The following GLRB variants were observed in gnomAD, a reference collection of about 807,000 sequenced individuals.
GLRB encodes the protein glycine receptor beta, also known as glycine receptor subunit beta.
GLRB carries 33 observed loss-of-function variants against 54.2 expected under a neutral mutation model. The ratio of observed to expected loss-of-function variants is 0.61; its 90% CI spans 0.46 to 0.81. The LOEUF (loss-of-function observed/expected upper bound fraction) is 0.81. Ranked by LOEUF, GLRB falls within the 40% of genes least tolerant of loss-of-function variation. The pLI is 0.00. For missense variants in GLRB, 572 were observed against 584.6 expected, an observed-to-expected ratio of 0.98 and a Z score of 0.22; for synonymous variants, 209 against 208.2, an observed-to-expected ratio of 1.00 and a Z score of -0.03.
intron 9 of GLRB, among the ~76,000 whole-genome samples, chr4:157,157,112 A>G (rs1035881713): frequency 2.0e-5 from 3 of 152,042 alleles, no homozygotes; most frequent in Non-Finnish European, 4.4e-5. Context: ...TTCCTGACCA[A>G]TTGGTGTTGG....
chr4:157,117,242 C>A (rs1018067483), intron 2 of GLRB, among the ~76,000 whole-genome samples: 1 of 151,676 alleles, frequency 6.6e-6, no homozygotes, highest in Non-Finnish European at 1.5e-5. Flanking sequence ...TTCACTTACA[C>A]TATGGCAGGC....
intron 2 of GLRB, chr4:157,078,384 AT>A: frequency 4.8e-6 from 1 of 208,394 alleles, no homozygotes; most frequent in Non-Finnish European, 8.3e-6. Context: ...GGTTTATATA[AT>A]TTTTATACAC....
intron 2 of GLRB, among the ~76,000 whole-genome samples, chr4:157,092,802 T>C (rs1458910432): frequency 6.6e-6 from 1 of 152,206 alleles, no homozygotes; most frequent in East Asian, 1.9e-4. Flanking sequence ...GGTCATAAAG[T>C]CAGTCAGTAG....
intron 4 of GLRB, among the ~76,000 whole-genome samples, chr4:157,130,565 T>C (rs1237251078): frequency 1.3e-5 from 2 of 151,710 alleles, no homozygotes; most frequent in Non-Finnish European, 3.0e-5. Context: ...GTAACATGTG[T>C]CAGAATTTCA....
chr4:157,093,742 G>A (rs892715983), intron 2 of GLRB, among the ~76,000 whole-genome samples: 3 of 129,138 alleles, frequency 2.3e-5, no homozygotes, highest in Admixed American at 8.9e-5. Flanking sequence ...GCGACAGAGC[G>A]AGACTCCATC....
intron 7 of GLRB, among the ~76,000 whole-genome samples, chr4:157,139,467 C>G (rs1352081203): frequency 6.6e-6 from 1 of 152,020 alleles, no homozygotes; most frequent in African/African-American, 2.4e-5. Context: ...TCTTCTTGAC[C>G]TAGGTCACAG....
chr4:157,138,301 C>A (rs560205158), intron 6 of GLRB, among the ~76,000 whole-genome samples: 1 of 152,242 alleles, frequency 6.6e-6, no homozygotes, highest in African/African-American at 2.4e-5. Context: ...GTCTCGAACT[C>A]CTGACCTCGT....
intron 2 of GLRB, among the ~76,000 whole-genome samples, chr4:157,101,039 G>A (rs189068426): frequency 4.3e-4 from 65 of 152,216 alleles, no homozygotes; most frequent in African/African-American, 1.5e-3. Context: ...TCTACATGTG[G>A]CAGTCTTCAG....
intron 6 of GLRB, among the ~76,000 whole-genome samples, chr4:157,138,563 T>C (rs1014649090): frequency 3.3e-5 from 5 of 152,202 alleles, no homozygotes; most frequent in African/African-American, 1.2e-4. Context: ...TGCCCTAGGA[T>C]TTTAAATCTG....
chr4:157,129,554 A>G (rs566845384), intron 4 of GLRB, among the ~76,000 whole-genome samples: 14 of 151,928 alleles, frequency 9.2e-5, no homozygotes, highest in Admixed American at 2.6e-4. Flanking sequence ...CTTGCGTGGA[A>G]TCATAGTATT....
intron 8 of GLRB, among the ~76,000 whole-genome samples, chr4:157,148,950 A>G (rs1383852909): frequency 6.6e-6 from 1 of 152,088 alleles, no homozygotes; most frequent in Admixed American, 6.6e-5. Flanking sequence ...ATTACGCTGC[A>G]GGTATTTGGA....
chr4:157,154,298 A>C (rs1338811585), intron 9 of GLRB, among the ~76,000 whole-genome samples: 1 of 151,710 alleles, frequency 6.6e-6, no homozygotes, highest in South Asian at 2.1e-4. Flanking sequence ...CCATTCTCTT[A>C]TGTTTGAATT....
At chr4:157,143,668 A>G in intron 7 of GLRB, 139 bp from the exon 8 acceptor site, 1 of 832,494 alleles carries the variant, frequency 1.2e-6, no homozygotes, top group South Asian at 1.6e-5. Context: ...ATATCTGCAA[A>G]GAAAAACTTT....
chr4:157,163,552 T>C (rs1374373728), intron 9 of GLRB, among the ~76,000 whole-genome samples: 5 of 152,138 alleles, frequency 3.3e-5, no homozygotes, highest in Non-Finnish European at 7.3e-5. Flanking sequence ...CATTTTTTTC[T>C]GTAGTATTTG....
At chr4:157,087,404 G>A (rs1734450554) in intron 2 of GLRB, among the ~76,000 whole-genome samples, 1 of 152,004 alleles carries the variant, frequency 6.6e-6, no homozygotes, top group African/African-American at 2.4e-5. Context: ...TTTGTATAGT[G>A]AAAAGTTTGA....
At chr4:157,106,084 T>TGA (rs1235310472) in intron 2 of GLRB, among the ~76,000 whole-genome samples, 1 of 152,136 alleles carries the variant, frequency 6.6e-6, no homozygotes, top group Non-Finnish European at 1.5e-5. Context: ...TGTCTAGTGG[T>TGA]GATGAATTTC....
At chr4:157,117,094 A>G (rs934831415) in intron 2 of GLRB, among the ~76,000 whole-genome samples, 2 of 151,766 alleles carry the variant, frequency 1.3e-5, no homozygotes, top group African/African-American at 4.8e-5. Flanking sequence ...AGAAGAGTGA[A>G]CTGATAGAAA....
rs377471366 is a variant in GLRB, at chr4:157,136,434, A to G, written c.298-35A>G. On this transcript the variant is annotated intron_variant, in intron 4 of 9. Transcript: ENST00000264428. Reference sequence around the variant, plus strand: ...AATAAGTTCTTAAAAATAGCAATAAACATACACATGTGCACGCATGTACTT... The same window carrying G: ...AATAAGTTCTTAAAAATAGCAATAAGCATACACATGTGCACGCATGTACTT... 3.6e-4 allele frequency: 414 copies of G among 1,155,162 alleles called. 3 individuals are homozygous for G. The highest frequency in any genetic ancestry group is 4.7e-5 in the Non-Finnish European group (36 of 762,030). The allele number at this position is 1,155,162 out of a possible 1,614,324, so 71.6% of individuals were successfully genotyped here.
At chr4:157,089,256 G>C (rs1185787407) in intron 2 of GLRB, among the ~76,000 whole-genome samples, 1 of 151,936 alleles carries the variant, frequency 6.6e-6, no homozygotes, top group African/African-American at 2.4e-5. Context: ...AGCCAAGCAT[G>C]GGGGAGGGGG....
Sources: gnomAD v4.1 joint callset for allele counts (sites outside exome capture counted in the v4.1 genomes callset) on GRCh38, gnomAD v4.1.1 for gene constraint, MANE v1.5 for transcripts, NCBI Gene and HGNC (gene_info 2026-07-23, HGNC 2026-07-21) for gene names.